The following GPM6A variants were observed in gnomAD, a reference collection of about 807,000 sequenced individuals.
GPM6A encodes glycoprotein M6A.
Under a neutral mutation model 32.1 loss-of-function variants are expected in GPM6A, and 7 were observed. That is an observed-to-expected ratio of 0.22 (90% CI 0.12 to 0.41). GPM6A has a LOEUF of 0.41. GPM6A is among the 10% of genes least tolerant of loss of function. The probability of loss-of-function intolerance (pLI) is 1.00; values close to 1 mark genes in which losing one functional copy is unlikely to be tolerated. For synonymous variants in GPM6A, 130 were observed against 123.4 expected (o/e 1.05, Z -0.35); for missense variants, 235 against 347.2 (o/e 0.68, Z 2.57).
At position 175,948,615 on chromosome 4, in the gene GPM6A, T is replaced by G. The variant is rs1395010328; in HGVS notation, c.-23+53694A>C. 2.0e-5 allele frequency among the ~76,000 whole-genome samples: 3 copies of G among 152,336 alleles called. No individual in the cohort carries two copies. The East Asian group carries it at 5.8e-4, about 29-fold the overall frequency. The stretch of plus-strand genomic sequence containing the variant: ...AAAATTATGATCAATCCATCAAACT[T>G]TATATAATTCATTATCGTAACTCAA... On this transcript the variant is annotated intron_variant, in intron 1 of 7. Coordinates refer to the GPM6A transcript ENST00000280187.
chr4:175,939,010 G>A (rs1192169184), intron 1 of GPM6A, among the ~76,000 whole-genome samples: 1 of 152,042 alleles, frequency 6.6e-6, no homozygotes, highest in Non-Finnish European at 1.5e-5. Flanking sequence ...TAATTTAAAT[G>A]CTATCTAGTA....
chr4:175,841,012 T>C (rs929946636), intron 1 of GPM6A, among the ~76,000 whole-genome samples: 2 of 152,156 alleles, frequency 1.3e-5, no homozygotes, highest in South Asian at 4.1e-4. Flanking sequence ...CAGAGAAGGA[T>C]ATTGAAAAAG....
At chr4:175,991,477 T>C (rs1382692946) in intron 1 of GPM6A, among the ~76,000 whole-genome samples, 2 of 152,134 alleles carry the variant, frequency 1.3e-5, no homozygotes, top group African/African-American at 4.8e-5. Flanking sequence ...ATTTATCCTT[T>C]TATACTATTT....
chr4:175,689,172 A>C (rs924529805), intron 2 of GPM6A, among the ~76,000 whole-genome samples: 3 of 152,206 alleles, frequency 2.0e-5, no homozygotes, highest in African/African-American at 7.2e-5. Flanking sequence ...CTTCTTTCTC[A>C]AGATTGTTTT....
At chr4:175,822,289 GA>G (rs1735299651) in intron 1 of GPM6A, among the ~76,000 whole-genome samples, 1 of 151,944 alleles carries the variant, frequency 6.6e-6, no homozygotes, top group Non-Finnish European at 1.5e-5. Context: ...TTAATATTTT[GA>G]AAACTTCTTT....
chr4:175,681,165 G>A lies in GPM6A; in HGVS notation c.231-7329C>T, dbSNP rs529930632. Among the ~76,000 whole-genome samples, 10 of 152,230 alleles carry A rather than the reference G, an allele frequency of 6.6e-5. No individual in the cohort carries two copies. The South Asian group carries it at 8.3e-4, about 13-fold the overall frequency. On this transcript the variant is annotated intron_variant, in intron 2 of 6. Transcript: ENST00000393658. Reference sequence around the variant, plus strand: ...TTAAAGACATATGTAGTTTTGTTACGTATTGCCAATTCCTCTCTATAGGTC... The same window carrying A: ...TTAAAGACATATGTAGTTTTGTTACATATTGCCAATTCCTCTCTATAGGTC...
chr4:175,958,523 T>C (rs1022500012), intron 1 of GPM6A, among the ~76,000 whole-genome samples: 1 of 152,198 alleles, frequency 6.6e-6, no homozygotes, highest in African/African-American at 2.4e-5. Context: ...TAGGGTGACA[T>C]GTAAAAATGG....
In GPM6A at chr4:175,776,703, T is replaced by C. The variant is rs116847324; in HGVS notation, c.37+35488A>G. ...GACGTTTTAATGTCCCTACTAAATG[T>C]TATTATTCAATTTCACACTTACACA... On this transcript the variant is annotated intron_variant, in intron 1 of 6. Coordinates refer to ENST00000393658, the MANE Select transcript of GPM6A (RefSeq NM_201591.3). Among the ~76,000 whole-genome samples the C allele has an allele frequency of 1.4e-4, 21 of 152,342 alleles. No homozygotes were observed. In the East Asian group the frequency reaches 2.7e-3, roughly 20 times the overall value.
chr4:175,703,461 A>G (rs989701694), intron 1 of GPM6A, among the ~76,000 whole-genome samples: 1 of 152,096 alleles, frequency 6.6e-6, no homozygotes, highest in Non-Finnish European at 1.5e-5. Flanking sequence ...ATGAGCCACC[A>G]CGCCCAGCCT....
rs144709247 is a variant in GPM6A, at chr4:175,685,811, C to T, written c.231-11975G>A. Among the ~76,000 whole-genome samples the T allele has an allele frequency of 5.2e-3, 787 of 152,158 alleles. 9 individuals are homozygous for T. The highest frequency in any genetic ancestry group is 0.018 in the African/African-American group (758 of 41,522). ...AGAGTTGTGACATTTTTATACACCC[C>T]CCCACACACATATCATACATCTCTT... is the stretch of plus-strand genomic sequence containing the variant. On this transcript the variant is annotated intron_variant, in intron 2 of 6. Transcript: ENST00000393658.
chr4:175,907,799 T>C (rs56225900), intron 1 of GPM6A, among the ~76,000 whole-genome samples: 1 of 152,160 alleles, frequency 6.6e-6, no homozygotes, highest in Non-Finnish European at 1.5e-5. Context: ...AAACCTAGCA[T>C]AAAAGATAAA....
chr4:175,791,065 T>C (rs1398476291), intron 1 of GPM6A, among the ~76,000 whole-genome samples: 1 of 152,188 alleles, frequency 6.6e-6, no homozygotes, highest in Non-Finnish European at 1.5e-5. Context: ...GCCAATCCTT[T>C]TCCTATGTCT....
chr4:175,664,546 C>A (rs1010337991), intron 3 of GPM6A, among the ~76,000 whole-genome samples: 1 of 152,182 alleles, frequency 6.6e-6, no homozygotes, highest in African/African-American at 2.4e-5. Context: ...ATACTTTCTT[C>A]TTTATTATCT....
intron 1 of GPM6A, among the ~76,000 whole-genome samples, chr4:175,769,860 T>C (rs530077460): frequency 6.6e-6 from 1 of 152,352 alleles, no homozygotes; most frequent in East Asian, 1.9e-4. Context: ...TAATCATAGA[T>C]AGTCTCAATT....
At chr4:175,883,820 G>A (rs534052857) in intron 1 of GPM6A, among the ~76,000 whole-genome samples, 68 of 152,068 alleles carry the variant, frequency 4.5e-4, no homozygotes, top group Non-Finnish European at 7.7e-4. Context: ...ATTCACTAAG[G>A]TATTACACAA....
intron 1 of GPM6A, among the ~76,000 whole-genome samples, chr4:175,871,928 A>G (rs1162079256): frequency 6.6e-6 from 1 of 152,160 alleles, no homozygotes; most frequent in Non-Finnish European, 1.5e-5. Context: ...AGCTCAACTA[A>G]CACATTATTT....
At chr4:175,830,463 G>T (rs569302793) in intron 1 of GPM6A, among the ~76,000 whole-genome samples, 3 of 151,954 alleles carry the variant, frequency 2.0e-5, no homozygotes. Flanking sequence ...TTTATGCACC[G>T]GACACTGTTC....
intron 1 of GPM6A, among the ~76,000 whole-genome samples, chr4:175,957,302 G>A (rs949598813): frequency 9.9e-5 from 15 of 152,112 alleles, no homozygotes; most frequent in African/African-American, 3.6e-4. Flanking sequence ...GCAAAGGCAG[G>A]TAAGAAAGCC....
At chr4:175,947,353 GAC>G (rs1320297286) in intron 1 of GPM6A, among the ~76,000 whole-genome samples, 1 of 151,960 alleles carries the variant, frequency 6.6e-6, no homozygotes, top group East Asian at 1.9e-4. Context: ...GTCATTTAAA[GAC>G]ACTATCTTAA....
Sources: allele counts gnomAD v4.1 joint callset (sites outside exome capture counted in the v4.1 genomes callset), GRCh38; gene constraint gnomAD v4.1.1; transcripts MANE v1.5; gene names NCBI Gene and HGNC (gene_info 2026-07-23, HGNC 2026-07-21).